ZNF248: variants seen among roughly 807,000 people sequenced by gnomAD.
ZNF248 encodes zinc finger protein 248, also known as KRAB protein domain.
Under a neutral mutation model 44.3 loss-of-function variants are expected in ZNF248, and 20 were observed. That is an observed-to-expected ratio of 0.45 (90% CI 0.32 to 0.66). The LOEUF (loss-of-function observed/expected upper bound fraction) is 0.66, where lower values mean the gene tolerates loss of function less well. Among genes scored for constraint, ZNF248 ranks in the 30% least tolerant of loss-of-function variants. ZNF248 has a pLI of 0.04. For missense variants in ZNF248, 654 were observed against 677.0 expected (o/e 0.97, Z 0.38); for synonymous variants, 224 against 229.0 (o/e 0.98, Z 0.20).
chr10:37,815,207 C>T (rs992869226), intron 6 of ZNF248, among the ~76,000 whole-genome samples: 2 of 152,062 alleles, frequency 1.3e-5, no homozygotes, highest in Non-Finnish European at 2.9e-5. Context: ...GCTGGGATTA[C>T]AGGCACATGC....
At chr10:37,799,160 T>TG (rs1471297540) in intron 6 of ZNF248, among the ~76,000 whole-genome samples, 3 of 151,948 alleles carry the variant, frequency 2.0e-5, no homozygotes, top group African/African-American at 7.3e-5. Flanking sequence ...TGATAAAAAC[T>TG]GGAATGAAAA....
the ZNF248 span, among the ~76,000 whole-genome samples, chr10:37,770,362 G>A: frequency 2.0e-5 from 3 of 152,284 alleles, no homozygotes; most frequent in African/African-American, 7.2e-5. Context: ...TACGCTACCT[G>A]ACTTCAAACT....
intron 6 of ZNF248, among the ~76,000 whole-genome samples, chr10:37,788,348 C>T (rs988142113): frequency 1.2e-4 from 17 of 146,690 alleles, no homozygotes; most frequent in East Asian, 4.2e-4. Context: ...GGGCCAGACA[C>T]GGTGGCTCAC....
chr10:37,849,984 T>C (rs139210440), intron 3 of ZNF248, among the ~76,000 whole-genome samples: 1,612 of 151,906 alleles, frequency 0.011, 25 homozygotes, highest in South Asian at 0.059. Flanking sequence ...GGCAGGAGAA[T>C]TGCTTGAACC....
At chr10:37,787,194 G>A (rs10827828) in intron 6 of ZNF248, among the ~76,000 whole-genome samples, 15 of 152,042 alleles carry the variant, frequency 9.9e-5, no homozygotes, top group Middle Eastern at 3.4e-3. Flanking sequence ...CAGGAGAATC[G>A]CCTGAACCTG....
chr10:37,811,051 C>A (rs1191558226), intron 6 of ZNF248, among the ~76,000 whole-genome samples: 1 of 152,160 alleles, frequency 6.6e-6, no homozygotes, highest in Non-Finnish European at 1.5e-5. Context: ...TCCATAAACA[C>A]TGAATAACAC....
intron 3 of ZNF248, among the ~76,000 whole-genome samples, chr10:37,850,830 T>C (rs1731357693): frequency 6.6e-6 from 1 of 151,962 alleles, no homozygotes; most frequent in African/African-American, 2.4e-5. Context: ...AGTACTTAAA[T>C]ATAACATATA....
At chr10:37,853,401 G>A (rs187075805) in intron 3 of ZNF248, among the ~76,000 whole-genome samples, 2 of 152,156 alleles carry the variant, frequency 1.3e-5, no homozygotes, top group East Asian at 1.9e-4. Flanking sequence ...TTTTCGAGAC[G>A]GAGTCTCGCT....
chr10:37,760,138 G>A, the ZNF248 span, among the ~76,000 whole-genome samples: 1 of 152,326 alleles, frequency 6.6e-6, no homozygotes, highest in Non-Finnish European at 1.5e-5. Context: ...CTTTTGTATG[G>A]GGTGAGGGAA....
intron 3 of ZNF248, among the ~76,000 whole-genome samples, chr10:37,843,751 AG>A (rs1299686249): frequency 6.6e-6 from 1 of 152,242 alleles, no homozygotes; most frequent in Non-Finnish European, 1.5e-5. Context: ...AAAGCTGAAA[AG>A]TAAAATGACC....
At chr10:37,760,203 T>A in the ZNF248 span, among the ~76,000 whole-genome samples, 1 of 152,134 alleles carries the variant, frequency 6.6e-6, no homozygotes, top group Non-Finnish European at 1.5e-5. Context: ...GGGAATAACT[T>A]CAAGAAATAG....
intron 6 of ZNF248, chr10:37,820,755 T>C (rs767162548): frequency 4.6e-6 from 6 of 1,297,662 alleles, no homozygotes; most frequent in Non-Finnish European, 6.7e-6. Flanking sequence ...GACTCACTAT[T>C]AAGTGGTCCC....
chr10:37,809,058 A>G (rs1174692840), intron 6 of ZNF248, among the ~76,000 whole-genome samples: 1 of 152,106 alleles, frequency 6.6e-6, no homozygotes, highest in Non-Finnish European at 1.5e-5. Flanking sequence ...TTATTTCTGT[A>G]GAATCAGTAT....
chr10:37,844,152 C>T (rs2058863026), intron 3 of ZNF248, among the ~76,000 whole-genome samples: 3 of 152,106 alleles, frequency 2.0e-5, no homozygotes, highest in Non-Finnish European at 1.5e-5. Flanking sequence ...ATAACAACCA[C>T]AGAGGTCAGA....
rs976653862 is a variant in ZNF248 at position 37,857,580 on chromosome 10, A to T, written c.-521T>A. ...ATTGTGTCTAATTCATTTGTCGCGG[A>T]CCTGGCGCAGTCGCTCTCCCCCGCA... On this transcript the variant is annotated 5_prime_UTR_variant, in exon 1 of 6. Transcript: ENST00000395867. 6.6e-6 allele frequency: 1 copy of T among 152,264 alleles called. No individual in the cohort carries two copies. Among genetic ancestry groups the T allele is most frequent in the Non-Finnish European group, 1.5e-5 (1 of 68,096 alleles). The allele number at this position is 152,264 out of a possible 1,614,324, so 9.4% of individuals were successfully genotyped here. A position where few individuals can be genotyped will look rare whatever the true frequency, so the allele number is the denominator to read the frequency against.
chr10:37,758,548 T>A, the ZNF248 span, among the ~76,000 whole-genome samples: 1 of 152,240 alleles, frequency 6.6e-6, no homozygotes, highest in Non-Finnish European at 1.5e-5. Flanking sequence ...CACTTTTACA[T>A]ATTTCTTATT....
At chr10:37,840,151 G>T (rs998047869) in intron 3 of ZNF248, among the ~76,000 whole-genome samples, 2 of 152,116 alleles carry the variant, frequency 1.3e-5, no homozygotes, top group Non-Finnish European at 2.9e-5. Context: ...CAAAATTTAT[G>T]GGATGCAGAG....
downstream of ZNF248, among the ~76,000 whole-genome samples, chr10:37,774,331 G>A (rs764560099): frequency 8.5e-5 from 13 of 152,276 alleles, no homozygotes; most frequent in Non-Finnish European, 1.8e-4. Flanking sequence ...AAATCCTACA[G>A]AAAATTAACA....
intron 6 of ZNF248, among the ~76,000 whole-genome samples, chr10:37,823,445 T>C (rs1463346019): frequency 6.6e-6 from 1 of 151,552 alleles, no homozygotes; most frequent in Non-Finnish European, 1.5e-5. Flanking sequence ...ATTCTCAACG[T>C]TCTATATTTT....
Sources: gnomAD v4.1 joint callset for allele counts (sites outside exome capture counted in the v4.1 genomes callset) on GRCh38, gnomAD v4.1.1 for gene constraint, MANE v1.5 for transcripts, NCBI Gene and HGNC (gene_info 2026-07-23, HGNC 2026-07-21) for gene names.